The following SH3RF1 variants were observed in gnomAD, a reference collection of about 807,000 sequenced individuals.
The protein encoded by SH3RF1 is E3 ubiquitin-protein ligase SH3RF1.
In SH3RF1, 32 loss-of-function variants were observed where a neutral mutation model predicts 74.0. The ratio of observed to expected loss-of-function variants is 0.43; its 90% confidence interval spans 0.33 to 0.58. SH3RF1 has a LOEUF of 0.58. SH3RF1 is among the 20% of genes least tolerant of loss of function. SH3RF1 has a pLI of 0.05. For synonymous variants in SH3RF1, 396 were observed against 439.6 expected, an observed-to-expected ratio of 0.90 and a Z score of 1.24; for missense variants, 954 against 1,130.9, an observed-to-expected ratio of 0.84 and a Z score of 2.24.
intron 2 of SH3RF1, among the ~76,000 whole-genome samples, chr4:169,203,304 A>C (rs535839456): frequency 6.6e-6 from 1 of 152,194 alleles, no homozygotes; most frequent in Non-Finnish European, 1.5e-5. Context: ...TAATCCCAGC[A>C]CTTTGGGAGG....
chr4:169,225,849 G>T (rs1307405428), intron 2 of SH3RF1, among the ~76,000 whole-genome samples: 1 of 152,130 alleles, frequency 6.6e-6, no homozygotes, highest in Non-Finnish European at 1.5e-5. Flanking sequence ...GTTGCAGGAT[G>T]ATATGACCCA....
intron 2 of SH3RF1, among the ~76,000 whole-genome samples, chr4:169,240,915 A>G (rs1260601300): frequency 6.6e-6 from 1 of 152,172 alleles, no homozygotes; most frequent in Non-Finnish European, 1.5e-5. Context: ...AAGCCTTTTA[A>G]GTGAAGTGAA....
chr4:169,163,291 T>C (rs1734181144), intron 2 of SH3RF1, among the ~76,000 whole-genome samples: 1 of 151,724 alleles, frequency 6.6e-6, no homozygotes, highest in Non-Finnish European at 1.5e-5. Context: ...AAAAATGCTA[T>C]TAGACTCTTC....
chr4:169,262,339 A>ATTC (rs1731293283), intron 2 of SH3RF1, among the ~76,000 whole-genome samples: 1 of 152,194 alleles, frequency 6.6e-6, no homozygotes, highest in Non-Finnish European at 1.5e-5. Context: ...TTTTACATAC[A>ATTC]TTTTGAAATC....
chr4:169,155,593 C>G lies in SH3RF1; in HGVS notation c.670-18G>C, dbSNP rs1734035803. On this transcript the variant is annotated intron_variant, in intron 3 of 11. Transcript: ENST00000284637. ...ACATCATCCTGAAGAAACAGCAAATCATTAATCTACCTGATCATTAAGCTG... is the reference window on the plus strand; with the variant it reads ...ACATCATCCTGAAGAAACAGCAAATGATTAATCTACCTGATCATTAAGCTG... 6.5e-7 allele frequency: 1 copy of G among 1,544,238 alleles called. No individual in the cohort carries two copies. The highest frequency in any genetic ancestry group is 1.7e-5 in the Admixed American group (1 of 59,870).
chr4:169,195,515 G>A (rs115651394), intron 2 of SH3RF1, among the ~76,000 whole-genome samples: 2,099 of 152,028 alleles, frequency 0.014, 47 homozygotes, highest in African/African-American at 0.047. Flanking sequence ...CAAATACTGC[G>A]GTGCTCCACT....
At chr4:169,187,011 G>C (rs1222536613) in intron 2 of SH3RF1, among the ~76,000 whole-genome samples, 4 of 76,598 alleles carry the variant, frequency 5.2e-5, no homozygotes, top group African/African-American at 1.6e-4. Context: ...AGGCTCCATC[G>C]CAAAAAAAAA....
chr4:169,155,415 C>A, intron 4 of SH3RF1, 65 bp downstream of exon 4: 1 of 1,273,694 alleles, frequency 7.9e-7, no homozygotes, highest in Non-Finnish European at 1.1e-6. Flanking sequence ...ACTCAAATTG[C>A]ATAATTAAGA....
intron 2 of SH3RF1, among the ~76,000 whole-genome samples, chr4:169,249,695 G>A (rs1041179754): frequency 3.3e-5 from 5 of 152,214 alleles, no homozygotes; most frequent in African/African-American, 9.7e-5. Flanking sequence ...GCAACAGTAG[G>A]AAGGATACAT....
chr4:169,146,339 C>A (rs1350952027), intron 4 of SH3RF1, among the ~76,000 whole-genome samples: 2 of 150,740 alleles, frequency 1.3e-5, no homozygotes, highest in African/African-American at 4.9e-5. Context: ...AAGCAATTCT[C>A]CTGCCTCAGC....
chr4:169,145,857 T>C lies in SH3RF1; in HGVS notation c.766-9237A>G, dbSNP rs1005440210. On this transcript the variant is annotated intron_variant, in intron 4 of 11. Transcript: ENST00000284637. ...AATATGTATTCTATATATTATTCTA[T>C]ATAAAATATGTATTCTATATATTAT... is the stretch of plus-strand genomic sequence containing the variant. 1.4e-4 allele frequency among the ~76,000 whole-genome samples: 16 copies of C among 118,156 alleles called. 2 individuals carry two copies. The highest frequency in any genetic ancestry group is 2.9e-4 in the Non-Finnish European group (16 of 54,466). 77.5% of individuals were successfully genotyped at this position (118,156 alleles called of 152,430 possible). A position where few individuals can be genotyped will look rare whatever the true frequency, so the allele number is the denominator to read the frequency against.
chr4:169,171,401 G>A (rs1310524452), intron 2 of SH3RF1, among the ~76,000 whole-genome samples: 1 of 152,144 alleles, frequency 6.6e-6, no homozygotes, highest in Non-Finnish European at 1.5e-5. Flanking sequence ...CTCATTAAGT[G>A]CTAAGCAGAT....
chr4:169,120,740 T>A, intron 8 of SH3RF1, 79 bp downstream of exon 8: 1 of 1,475,150 alleles, frequency 6.8e-7, no homozygotes. Flanking sequence ...GTGAAAGGAA[T>A]CTGGATAGGC....
At chr4:169,205,800 T>C (rs978348039) in intron 2 of SH3RF1, among the ~76,000 whole-genome samples, 8 of 152,212 alleles carry the variant, frequency 5.3e-5, no homozygotes, top group African/African-American at 1.9e-4. Context: ...TTTAAAGAAT[T>C]TCTCAACCAC....
intron 11 of SH3RF1, among the ~76,000 whole-genome samples, chr4:169,100,224 C>T (rs138372683): frequency 2.6e-5 from 4 of 152,300 alleles, no homozygotes; most frequent in African/African-American, 9.6e-5. Context: ...TCAATGAATA[C>T]TCTCCCATGA....
chr4:169,257,038 T>C (rs2110753703), intron 2 of SH3RF1, among the ~76,000 whole-genome samples: 1 of 152,364 alleles, frequency 6.6e-6, no homozygotes, highest in Non-Finnish European at 1.5e-5. Context: ...TCTCATGTAA[T>C]CCTCACAAAC....
chr4:169,199,300 C>A (rs1047123328), intron 2 of SH3RF1, among the ~76,000 whole-genome samples: 22 of 152,178 alleles, frequency 1.4e-4, no homozygotes, highest in African/African-American at 1.2e-4. Context: ...CTGTTACAAA[C>A]CCCCAGATTT....
chr4:169,113,626 T>C (rs1216829489), intron 10 of SH3RF1, among the ~76,000 whole-genome samples: 1 of 152,174 alleles, frequency 6.6e-6, no homozygotes, highest in Admixed American at 6.5e-5. Flanking sequence ...CAATGTGGCA[T>C]CTGGTGAGTT....
chr4:169,103,237 A>T (rs1733072395), intron 11 of SH3RF1, among the ~76,000 whole-genome samples: 1 of 151,784 alleles, frequency 6.6e-6, no homozygotes, highest in Non-Finnish European at 1.5e-5. Flanking sequence ...TGCCTGGCAC[A>T]TTCTTTTACT....
Sources: gnomAD v4.1 joint callset for allele counts (sites outside exome capture counted in the v4.1 genomes callset) on GRCh38, gnomAD v4.1.1 for gene constraint, MANE v1.5 for transcripts, NCBI Gene and HGNC (gene_info 2026-07-23, HGNC 2026-07-21) for gene names.